NSD1: variants seen among roughly 807,000 people sequenced by gnomAD.
The protein encoded by NSD1 is histone-lysine N-methyltransferase, H3 lysine-36 specific.
Under a neutral mutation model 242.7 loss-of-function variants are expected in NSD1, and 26 were observed. The observed-to-expected ratio is 0.11, with a 90% CI of 0.08 to 0.15. The LOEUF (loss-of-function observed/expected upper bound fraction) is 0.15, where lower values mean the gene tolerates loss of function less well. NSD1 is among the 10% of genes least tolerant of loss of function. The pLI is 1.00. For missense variants in NSD1, 2,495 were observed against 3,272.8 expected (o/e 0.76, Z 5.80); for synonymous variants, 1,106 against 1,178.1 (o/e 0.94, Z 1.25).
chr5:177,153,594 T>A (rs942783355), intron 2 of NSD1, among the ~76,000 whole-genome samples: 1 of 152,146 alleles, frequency 6.6e-6, no homozygotes, highest in Non-Finnish European at 1.5e-5. Context: ...ATTTTCCCAA[T>A]CTGGTTTTCA....
At chr5:177,275,051 G>T (rs74522761) in intron 17 of NSD1, among the ~76,000 whole-genome samples, 2,765 of 151,156 alleles carry the variant, frequency 0.018, 33 homozygotes, top group Non-Finnish European at 0.028. Context: ...TCCAAAGACT[G>T]ATAATCTGAG....
intron 11 of NSD1, among the ~76,000 whole-genome samples, chr5:177,248,921 C>T (rs1755675331): frequency 6.6e-6 from 1 of 152,138 alleles, no homozygotes; most frequent in South Asian, 2.1e-4. Context: ...TGTTTATATT[C>T]ATGAGAGAAG....
rs533977605 is a variant in NSD1, at chr5:177,193,529, A to C, written c.1063+1510A>C. Among the ~76,000 whole-genome samples the C allele has an allele frequency of 1.3e-4, 20 of 151,988 alleles. No homozygotes were observed. The South Asian group carries it at 4.2e-3, about 32-fold the overall frequency. On this transcript the variant is annotated intron_variant, in intron 3 of 22. Transcript: ENST00000439151. ...TGACCTCAGGTGATCCTCCTTCCTCAGCCTCCCAAAGTGTTGGGATTACAG... is the reference window on the plus strand; with the variant it reads ...TGACCTCAGGTGATCCTCCTTCCTCCGCCTCCCAAAGTGTTGGGATTACAG...
intron 14 of NSD1, chr5:177,265,960 C>T: frequency 8.6e-7 from 1 of 1,165,564 alleles, no homozygotes; most frequent in Non-Finnish European, 1.3e-6. Flanking sequence ...TGGTAACCAG[C>T]TGTTTGAGGT....
intron 8 of NSD1, among the ~76,000 whole-genome samples, chr5:177,241,113 A>T (rs1318263206): frequency 6.6e-6 from 1 of 152,092 alleles, no homozygotes; most frequent in Admixed American, 6.6e-5. Context: ...GGTTTCACAT[A>T]TAGATCTTTG....
At chr5:177,205,877 G>A (rs979890448) in intron 4 of NSD1, among the ~76,000 whole-genome samples, 2 of 152,090 alleles carry the variant, frequency 1.3e-5, no homozygotes, top group Admixed American at 1.3e-4. Context: ...ATGCTAGAGT[G>A]CTGTTGCACA....
intron 2 of NSD1, among the ~76,000 whole-genome samples, chr5:177,185,385 G>A (rs1761018548): frequency 6.6e-6 from 1 of 151,610 alleles, no homozygotes; most frequent in Admixed American, 6.6e-5. Context: ...ATCACCTGAG[G>A]TCAGGAGTTC....
intron 2 of NSD1, among the ~76,000 whole-genome samples, chr5:177,139,329 T>G (rs776162104): frequency 6.7e-6 from 1 of 150,316 alleles, no homozygotes; most frequent in African/African-American, 2.5e-5. Flanking sequence ...CTGGGCGTGG[T>G]GGCAGGCTCG....
chr5:177,264,978 T>C (rs1757301329), intron 14 of NSD1: 8 of 892,970 alleles, frequency 9.0e-6, no homozygotes, highest in African/African-American at 1.6e-5. Context: ...CCCAGCATGC[T>C]GTTGGCATTG....
Position 177,135,559 on chromosome 5 carries a change from C to G in NSD1, c.456C>G (p.His152Gln), listed in dbSNP as rs747433419. The G allele has an allele frequency of 6.2e-7, 1 of 1,614,180 alleles. No individual in the cohort carries two copies. Among genetic ancestry groups the G allele is most frequent in the Non-Finnish European group, 8.5e-7 (1 of 1,180,032 alleles). Residue 152 changes from histidine to glutamine, a missense_variant, in exon 2 of 23, where the codon CAC (histidine) becomes CAG (glutamine). His to Gln is a conservative substitution (Grantham distance 24). Coordinates refer to ENST00000439151, the MANE Select transcript of NSD1 (RefSeq NM_022455.5). ...VTKTIKNGFL[H>Q]FENFTCVDDA... ...AGACTATCAAGAATGGCTTTCTGCA[C>G]TTTGAGAATTTTACTTGTGTGGACG...
chr5:177,164,443 C>T (rs1003516968), intron 2 of NSD1, among the ~76,000 whole-genome samples: 6 of 152,032 alleles, frequency 3.9e-5, no homozygotes, highest in South Asian at 4.1e-4. Flanking sequence ...AGGTGTGAGC[C>T]ACTGCGCCCG....
chr5:177,178,588 T>G (rs1262081746), intron 2 of NSD1, among the ~76,000 whole-genome samples: 1 of 152,170 alleles, frequency 6.6e-6, no homozygotes, highest in East Asian at 1.9e-4. Context: ...AAAAACAAAT[T>G]TATAATGATT....
In NSD1 at chr5:177,297,312, C is replaced by G. The variant is rs1387295547; in HGVS notation, c.*1853C>G. 4.3e-6 allele frequency: 1 copy of G among 230,994 alleles called. No homozygotes were observed. The highest frequency in any genetic ancestry group is 8.6e-6 in the Non-Finnish European group (1 of 116,952). 14.3% of individuals were successfully genotyped at this position (230,994 alleles called of 1,614,324 possible). A position where few individuals can be genotyped will look rare whatever the true frequency, so the allele number is the denominator to read the frequency against. On this transcript the variant is annotated 3_prime_UTR_variant, in exon 23 of 23. Transcript: ENST00000439151. ...CATCAAAGAGGAAAAGCTCTTTGTT[C>G]AAAAGGAAGAGAAAACGTAAAGCAT...
intron 11 of NSD1, among the ~76,000 whole-genome samples, chr5:177,250,987 T>C (rs1397237007): frequency 3.9e-5 from 6 of 152,050 alleles, no homozygotes; most frequent in Non-Finnish European, 8.8e-5. Flanking sequence ...GTGAGGAGTT[T>C]GAGACCAGCC....
intron 2 of NSD1, among the ~76,000 whole-genome samples, chr5:177,156,458 C>G (rs1211706271): frequency 6.6e-6 from 1 of 152,108 alleles, no homozygotes; most frequent in Admixed American, 6.6e-5. Context: ...GAATTACAGG[C>G]GTAAGCCTCC....
chr5:177,186,232 A>G (rs1761221302), intron 2 of NSD1, among the ~76,000 whole-genome samples: 1 of 148,088 alleles, frequency 6.8e-6, no homozygotes, highest in South Asian at 2.1e-4. Flanking sequence ...TGGAAGCTGC[A>G]ATGGGCTGTG....
At chr5:177,161,680 C>CTTTTTTTTTTTTTTTTTTTTTT (rs57657595) in intron 2 of NSD1, among the ~76,000 whole-genome samples, 9 of 135,240 alleles carry the variant, frequency 6.7e-5, no homozygotes, top group East Asian at 2.2e-4. Flanking sequence ...TTCTTTCTTT[C>CTTTTTTTTTTTTTTTTTTTTTT]TTTTTTTTTT....
chr5:177,138,359 G>A (rs1042121166), intron 2 of NSD1, among the ~76,000 whole-genome samples: 2 of 151,464 alleles, frequency 1.3e-5, no homozygotes, highest in African/African-American at 2.4e-5. Flanking sequence ...GGGTTCAAGC[G>A]ATTCTCCCAC....
intron 7 of NSD1, among the ~76,000 whole-genome samples, chr5:177,239,042 C>T (rs773169378): frequency 5.3e-5 from 8 of 152,214 alleles, no homozygotes; most frequent in Non-Finnish European, 1.0e-4. Flanking sequence ...AGAGTTGGAT[C>T]TAAACATATT....
Sources: allele counts gnomAD v4.1 joint callset (sites outside exome capture counted in the v4.1 genomes callset), GRCh38; gene constraint gnomAD v4.1.1; transcripts MANE v1.5; gene names NCBI Gene and HGNC (gene_info 2026-07-23, HGNC 2026-07-21).